Variants in SH3GL3 observed in about 807,000 individuals in gnomAD.
The protein encoded by SH3GL3 is endophilin-A3.
Under a neutral mutation model 47.7 loss-of-function variants are expected in SH3GL3, and 33 were observed. That is an observed-to-expected ratio of 0.69 (90% confidence interval 0.52 to 0.92). The LOEUF is 0.92. SH3GL3 is among the 40% of genes least tolerant of loss of function. The pLI is 0.00. For missense variants in SH3GL3, 363 were observed against 417.8 expected, an observed-to-expected ratio of 0.87 and a Z score of 1.14; for synonymous variants, 155 against 148.8, an observed-to-expected ratio of 1.04 and a Z score of -0.30.
intron 1 of SH3GL3, among the ~76,000 whole-genome samples, chr15:83,470,535 G>T (rs913507517): frequency 3.9e-5 from 6 of 152,068 alleles, no homozygotes; most frequent in Non-Finnish European, 2.9e-5. Flanking sequence ...CCTGAAGTTT[G>T]TTTTTTATAG....
chr15:83,526,683 A>G (rs2043434121), intron 1 of SH3GL3, among the ~76,000 whole-genome samples: 2 of 152,154 alleles, frequency 1.3e-5, no homozygotes, highest in East Asian at 3.9e-4. Flanking sequence ...GGTTGAAGGA[A>G]GGAGAGGATC....
At chr15:83,480,711 A>G (rs1250069505) in intron 1 of SH3GL3, among the ~76,000 whole-genome samples, 1 of 152,212 alleles carries the variant, frequency 6.6e-6, no homozygotes, top group African/African-American at 2.4e-5. Flanking sequence ...CATTCCCTAA[A>G]CAATACAGAA....
chr15:83,519,280 AT>A (rs1325557077), intron 1 of SH3GL3, among the ~76,000 whole-genome samples: 6 of 152,280 alleles, frequency 3.9e-5, no homozygotes, highest in African/African-American at 1.4e-4. Context: ...TTTGAACGAT[AT>A]TGATTCTTCC....
At chr15:83,588,577 C>T in intron 7 of SH3GL3, 85 bp from the exon 8 acceptor site, 1 of 839,646 alleles carries the variant, frequency 1.2e-6, no homozygotes, top group Non-Finnish European at 2.0e-6. Context: ...AACCTAAGTT[C>T]CTGTGCTCAA....
chr15:83,582,114 T>C (rs1281444664), intron 6 of SH3GL3, among the ~76,000 whole-genome samples: 1 of 152,240 alleles, frequency 6.6e-6, no homozygotes, highest in Non-Finnish European at 1.5e-5. Context: ...GAACACTATA[T>C]CACCCATAGG....
At chr15:83,616,079 A>G (rs28653391) in intron 8 of SH3GL3, among the ~76,000 whole-genome samples, 43,069 of 151,908 alleles carry the variant, frequency 0.28, 6,295 homozygotes, top group East Asian at 0.33. Flanking sequence ...TGAGAAAAAA[A>G]AAGAACAGAT....
rs1331073617 is a variant in SH3GL3, at chr15:83,565,125, G to T, written c.115-9G>T. On this transcript the variant is annotated splice_polypyrimidine_tract_variant and intron_variant, in intron 2 of 8. Transcript: ENST00000427482. ...CATTTACTAACTTTTTTTAAATTTT[G>T]CTTTTAAGAAAATAGATGTTACCAA... The T allele has an allele frequency of 6.1e-6, 8 of 1,315,010 alleles. No individual in the cohort carries two copies. The highest frequency in any genetic ancestry group is 2.0e-5 in the Admixed American group (1 of 50,576). The allele number at this position is 1,315,010 out of a possible 1,614,324, so 81.5% of individuals were successfully genotyped here. A position where few individuals can be genotyped will look rare whatever the true frequency, so the allele number is the denominator to read the frequency against.
At chr15:83,625,152 G>C in the SH3GL3 span, among the ~76,000 whole-genome samples, 1 of 152,150 alleles carries the variant, frequency 6.6e-6, no homozygotes, top group African/African-American at 2.4e-5. Flanking sequence ...CCAGCTACTT[G>C]GGAGGCTGAG....
At chr15:83,603,048 G>A (rs2151832351) in intron 8 of SH3GL3, among the ~76,000 whole-genome samples, 1 of 152,062 alleles carries the variant, frequency 6.6e-6, no homozygotes, top group Non-Finnish European at 1.5e-5. Context: ...TGCCCAGGCT[G>A]GAGTGCAGTG....
chr15:83,584,198 C>G (rs940061545), intron 6 of SH3GL3, among the ~76,000 whole-genome samples: 2 of 152,172 alleles, frequency 1.3e-5, no homozygotes, highest in Non-Finnish European at 2.9e-5. Flanking sequence ...CGCTTCCTCC[C>G]TCTTCACAGC....
At chr15:83,475,900 A>G (rs1190719008) in intron 1 of SH3GL3, among the ~76,000 whole-genome samples, 1 of 152,242 alleles carries the variant, frequency 6.6e-6, no homozygotes, top group Non-Finnish European at 1.5e-5. Flanking sequence ...TTATAAATAA[A>G]TAATTAGGAG....
chr15:83,449,412 C>T (rs1003660701), intron 1 of SH3GL3, among the ~76,000 whole-genome samples: 7 of 152,160 alleles, frequency 4.6e-5, no homozygotes, highest in East Asian at 3.9e-4. Context: ...CCAGAGTAAT[C>T]GCTGGCTGTA....
intron 1 of SH3GL3, among the ~76,000 whole-genome samples, chr15:83,519,055 T>C (rs1266807475): frequency 2.0e-5 from 3 of 151,616 alleles, no homozygotes; most frequent in African/African-American, 7.2e-5. Context: ...AGCACCATGA[T>C]GTTTTAGTTA....
chr15:83,517,910 C>T (rs2642816), intron 1 of SH3GL3, among the ~76,000 whole-genome samples: 1 of 152,052 alleles, frequency 6.6e-6, no homozygotes, highest in Non-Finnish European at 1.5e-5. Flanking sequence ...TCTCCCTCCC[C>T]CTTCTAGTAG....
intron 1 of SH3GL3, among the ~76,000 whole-genome samples, chr15:83,524,382 AT>A (rs920099224): frequency 6.6e-5 from 10 of 152,142 alleles, no homozygotes; most frequent in African/African-American, 2.4e-4. Context: ...GCTTAAAATT[AT>A]TTTTATTGAT....
intron 6 of SH3GL3, among the ~76,000 whole-genome samples, chr15:83,580,689 T>A (rs1267118187): frequency 1.3e-5 from 2 of 152,232 alleles, no homozygotes; most frequent in Non-Finnish European, 2.9e-5. Context: ...CTGTTGGCAC[T>A]TTCCCCTCCT....
chr15:83,556,847 C>T (rs778222504), intron 1 of SH3GL3, among the ~76,000 whole-genome samples: 13 of 152,328 alleles, frequency 8.5e-5, no homozygotes, highest in Non-Finnish European at 1.3e-4. Context: ...CACCTGTTGC[C>T]GGTCAGCTGC....
intron 1 of SH3GL3, among the ~76,000 whole-genome samples, chr15:83,468,563 A>G (rs910636223): frequency 1.3e-5 from 2 of 152,188 alleles, no homozygotes; most frequent in Admixed American, 1.3e-4. Context: ...CTGAATTTTT[A>G]TCATGAATGA....
chr15:83,523,358 C>G, intron 1 of SH3GL3, among the ~76,000 whole-genome samples: 1 of 152,148 alleles, frequency 6.6e-6, no homozygotes, highest in Non-Finnish European at 1.5e-5. Context: ...GGGCAGAGTT[C>G]TGTGGGAGAG....
Sources: gnomAD v4.1 joint callset for allele counts (sites outside exome capture counted in the v4.1 genomes callset) on GRCh38, gnomAD v4.1.1 for gene constraint, MANE v1.5 for transcripts, NCBI Gene and HGNC (gene_info 2026-07-23, HGNC 2026-07-21) for gene names.